CSNK1D: variants seen among roughly 807,000 people sequenced by gnomAD.
The protein encoded by CSNK1D is casein kinase 1 delta.
A neutral mutation model predicts 46.6 loss-of-function variants in CSNK1D; 16 were observed. The observed-to-expected ratio is 0.34, with a 90% CI of 0.23 to 0.52. The LOEUF is 0.52. Ranked by LOEUF, CSNK1D falls within the 20% of genes least tolerant of loss-of-function variation. CSNK1D has a pLI of 0.95. For synonymous variants in CSNK1D, 276 were observed against 228.2 expected (o/e 1.21, Z -1.89); for missense variants, 398 against 578.4 (o/e 0.69, Z 3.20).
chr17:82,249,196 G>A lies in CSNK1D; in HGVS notation c.1058-182C>T. The A allele has an allele frequency of 1.2e-6, 1 of 826,258 alleles. No homozygotes were observed. The highest frequency in any genetic ancestry group is 1.9e-6 in the Non-Finnish European group (1 of 537,646). 51.2% of individuals were successfully genotyped at this position (826,258 alleles called of 1,614,324 possible). A position where few individuals can be genotyped will look rare whatever the true frequency, so the allele number is the denominator to read the frequency against. On this transcript the variant is annotated intron_variant, in intron 7 of 8. Coordinates refer to ENST00000314028, the MANE Select transcript of CSNK1D (RefSeq NM_001893.6). The surrounding 1 kb of genome is among the most constrained non-coding windows in gnomAD (Gnocchi z 6.7). Reference sequence around the variant, plus strand: ...GGGACACAAAGGGACATGGGAGCGAGGTCAAGGGGCTCACAGGGGAGGAAC... The same window carrying A: ...GGGACACAAAGGGACATGGGAGCGAAGTCAAGGGGCTCACAGGGGAGGAAC...
At chr17:82,241,710 C>T (rs1012019377), downstream of CSNK1D, among the ~76,000 whole-genome samples, 2 of 152,210 alleles carry the variant, frequency 1.3e-5, no homozygotes, top group African/African-American at 2.4e-5. Flanking sequence ...CCACGTGAGG[C>T]GGGCTGGAGA....
intron 2 of CSNK1D, among the ~76,000 whole-genome samples, chr17:82,262,486 G>A (rs2051364555): frequency 6.6e-6 from 1 of 152,204 alleles, no homozygotes; most frequent in Non-Finnish European, 1.5e-5. Context: ...GCTTTCTCCT[G>A]GAAGGCAGCA....
rs1350606779 is a variant in CSNK1D at position 82,255,376 on chromosome 17, G to A, written c.336+53C>T. 2.5e-6 allele frequency: 4 copies of A among 1,594,310 alleles called. No individual in the cohort carries two copies. The East Asian group carries it at 6.7e-5, about 27-fold the overall frequency. ...ATGGCAAGAACAGCACAAGCGAGTG[G>A]CTGATTCTATCAGACAGCAAGTGTG... is the stretch of plus-strand genomic sequence containing the variant. On this transcript the variant is annotated intron_variant, in intron 3 of 8. Transcript: ENST00000314028. This position sits in a 1 kb window ranked among gnomAD's most constrained non-coding sequence, Gnocchi z 5.9.
intron 2 of CSNK1D, among the ~76,000 whole-genome samples, chr17:82,262,565 C>T (rs1329206361): frequency 6.6e-6 from 1 of 152,190 alleles, no homozygotes; most frequent in Non-Finnish European, 1.5e-5. Flanking sequence ...GGAAGGAAAA[C>T]CGCAATGAGT....
downstream of CSNK1D, chr17:82,239,376 G>C (rs1443635424): frequency 5.3e-6 from 1 of 187,306 alleles, no homozygotes; most frequent in Non-Finnish European, 1.1e-5. Context: ...GTCCTACCCT[G>C]GGCTCACATG....
At chr17:82,260,017 C>CTGACTGATGGTGTACTGACTGATG (rs1443101208) in intron 2 of CSNK1D, among the ~76,000 whole-genome samples, 4 of 140,804 alleles carry the variant, frequency 2.8e-5, no homozygotes, top group Admixed American at 2.1e-4. Context: ...TGATGGTGTA[C>CTGACTGATGGTGTACTGACTGATG]TGACTGATGG....
At chr17:82,269,096 T>TA (rs766007194) in intron 1 of CSNK1D, among the ~76,000 whole-genome samples, 6,219 of 105,310 alleles carry the variant, frequency 0.059, 194 homozygotes, top group African/African-American at 0.087. Flanking sequence ...TACTTTGTCT[T>TA]AAAAAAAAAA....
intron 2 of CSNK1D, among the ~76,000 whole-genome samples, chr17:82,263,222 C>T (rs1474055434): frequency 6.6e-6 from 1 of 152,144 alleles, no homozygotes; most frequent in Admixed American, 6.6e-5. Flanking sequence ...AAAACCAAAA[C>T]CTTGACAGTA....
At chr17:82,241,325 C>T (rs188920552), downstream of CSNK1D, among the ~76,000 whole-genome samples, 554 of 152,348 alleles carry the variant, frequency 3.6e-3, 2 homozygotes, top group South Asian at 0.028. Flanking sequence ...GTCCCTCAGC[C>T]TTCCGAGGGG....
At chr17:82,245,126 C>T (rs1399744135) in intron 8 of CSNK1D, 7 of 573,530 alleles carry the variant, frequency 1.2e-5, no homozygotes, top group Non-Finnish European at 1.9e-5. Context: ...TCCTGCCTCC[C>T]TTCCTGGAAA....
intron 8 of CSNK1D, chr17:82,246,898 G>A (rs1215309853): frequency 2.6e-5 from 26 of 985,626 alleles, no homozygotes; most frequent in African/African-American, 3.5e-5. Context: ...CAGGTGAGGC[G>A]CTCAGAGCAA....
At chr17:82,268,198 C>T (rs769812432) in intron 1 of CSNK1D, among the ~76,000 whole-genome samples, 38 of 152,190 alleles carry the variant, frequency 2.5e-4, no homozygotes, top group Non-Finnish European at 4.7e-4. Context: ...ACCTCGTCAC[C>T]TGCTGGGCAG....
rs1193145999 is a variant in CSNK1D at position 82,243,658 on chromosome 17, T to A, written c.*1123A>T. The A allele has an allele frequency of 1.5e-5, 15 of 985,408 alleles. No homozygotes were observed. Among genetic ancestry groups the A allele is most frequent in the African/African-American group, 1.7e-5 (1 of 57,260 alleles). 61.0% of individuals were successfully genotyped at this position (985,408 alleles called of 1,614,324 possible). On this transcript the variant is annotated 3_prime_UTR_variant, in exon 9 of 9. Transcript: ENST00000314028. ...CTTGGCACCTCAGGGTGGGTCCTTC[T>A]GGCCTGCCGGCTTTTCTGAGCTAGT...
intron 8 of CSNK1D, chr17:82,247,934 G>A (rs749013535): frequency 7.1e-5 from 70 of 985,340 alleles, no homozygotes; most frequent in Non-Finnish European, 8.0e-5. Flanking sequence ...GTGGTCAAGA[G>A]TGCTCCCCAC....
rs567351796 is a variant in CSNK1D at position 82,261,430 on chromosome 17, A to G, written c.187+4256T>C. Among the ~76,000 whole-genome samples the G allele has an allele frequency of 5.3e-5, 8 of 152,302 alleles. No individual in the cohort carries two copies. The South Asian group carries it at 1.0e-3, about 20-fold the overall frequency. On this transcript the variant is annotated intron_variant, in intron 2 of 8. Coordinates refer to ENST00000314028, the MANE Select transcript of CSNK1D (RefSeq NM_001893.6). ...GCGTGGGGATAAAAATCGGGTGGAC[A>G]AGGCCAGATACATGAAGACATGCTC...
rs1404298137 is a variant in CSNK1D at position 82,242,993 on chromosome 17, G to A, written c.*1788C>T. 2 of 985,484 alleles carry A rather than the reference G, an allele frequency of 2.0e-6. No homozygotes were observed. The highest frequency in any genetic ancestry group is 5.2e-4 in the Middle Eastern group (1 of 1,914). 61.0% of individuals were successfully genotyped at this position (985,484 alleles called of 1,614,324 possible). On this transcript the variant is annotated 3_prime_UTR_variant, in exon 9 of 9. Coordinates refer to ENST00000314028, the MANE Select transcript of CSNK1D (RefSeq NM_001893.6). ...GCCACAGCGCGACGTCTCTCCGGGT[G>A]GGGGACGTCTACCTTCAAGAAGGGG...
chr17:82,258,008 C>G (rs1255975933), intron 2 of CSNK1D, among the ~76,000 whole-genome samples: 2 of 151,590 alleles, frequency 1.3e-5, no homozygotes, highest in African/African-American at 4.8e-5. Context: ...AGTTTGAGAC[C>G]AGAAAGAAAA....
chr17:82,243,527 C>T lies in CSNK1D; in HGVS notation c.*1254G>A, dbSNP rs560063426. ...CTGGTGGGACTCGGCCCCACGCACG[C>T]TGCTTCACTTCTGACCAACAGACAC... On this transcript the variant is annotated 3_prime_UTR_variant, in exon 9 of 9. Transcript: ENST00000314028. 6 of 985,518 alleles carry T rather than the reference C, an allele frequency of 6.1e-6. No homozygotes were observed. Among genetic ancestry groups the T allele is most frequent in the East Asian group, 1.1e-4 (1 of 8,808 alleles). 61.0% of individuals were successfully genotyped at this position (985,518 alleles called of 1,614,324 possible).
chr17:82,245,142 C>G, intron 8 of CSNK1D: 1 of 556,160 alleles, frequency 1.8e-6, no homozygotes, highest in South Asian at 2.0e-5. Context: ...GGAAAGGAAC[C>G]TGGTGTTTGA....
Sources: gnomAD v4.1 joint callset for allele counts (sites outside exome capture counted in the v4.1 genomes callset) on GRCh38, gnomAD v4.1.1 for gene constraint, Gnocchi (gnomAD v3.1) non-coding constraint, MANE v1.5 for transcripts, NCBI Gene and HGNC (gene_info 2026-07-23, HGNC 2026-07-21) for gene names.